LDLRAD4: variants seen among roughly 807,000 people sequenced by gnomAD.
LDLRAD4 encodes low-density lipoprotein receptor class A domain-containing protein 4.
A neutral mutation model predicts 17.0 loss-of-function variants in LDLRAD4; 5 were observed. That is an observed-to-expected ratio of 0.29 (90% CI 0.15 to 0.62). LDLRAD4 has a LOEUF of 0.62. Among genes scored for constraint, LDLRAD4 ranks in the 20% least tolerant of loss-of-function variants. LDLRAD4 has a pLI of 0.84. For synonymous variants in LDLRAD4, 168 were observed against 171.8 expected (o/e 0.98, Z 0.17); for missense variants, 340 against 424.7 (o/e 0.80, Z 1.75).
chr18:13,645,472 G>A lies in LDLRAD4; in HGVS notation c.736G>A (p.Gly246Arg), dbSNP rs1457339749. Residue 246 changes from glycine (G) to arginine (R), a missense_variant, in exon 6 of 6, where the codon GGG (glycine) becomes AGG (arginine). Transcript: ENST00000359446. This position sits in a 1 kb window ranked among gnomAD's most constrained non-coding sequence, Gnocchi z 5.7. The stretch of plus-strand genomic sequence containing the variant: ...CAGTGCAAGCACCTGCAGCAGTAAC[G>A]GGAGGATGGAGGGGCCACCCCCCAC... 11 of 1,611,984 alleles carry A rather than the reference G, an allele frequency of 6.8e-6. No homozygotes were observed. The highest frequency in any genetic ancestry group is 4.5e-5 in the East Asian group (2 of 44,872).
chr18:13,512,747 A>G (rs1485232593), intron 3 of LDLRAD4, among the ~76,000 whole-genome samples: 1 of 152,190 alleles, frequency 6.6e-6, no homozygotes, highest in Non-Finnish European at 1.5e-5. Context: ...TAACTTTAAA[A>G]TTTACACCCA....
At chr18:13,636,640 CG>C (rs2042107767) in intron 4 of LDLRAD4, among the ~76,000 whole-genome samples, 1 of 149,158 alleles carries the variant, frequency 6.7e-6, no homozygotes, top group Non-Finnish European at 1.5e-5. Context: ...GGATTGTAGG[CG>C]TGCACCACCG....
At chr18:13,352,351 C>A (rs2083091552) in intron 1 of LDLRAD4, among the ~76,000 whole-genome samples, 1 of 152,166 alleles carries the variant, frequency 6.6e-6, no homozygotes, top group African/African-American at 2.4e-5. Flanking sequence ...AGTTTTGGAA[C>A]ATACAGAATT....
intron 2 of LDLRAD4, among the ~76,000 whole-genome samples, chr18:13,434,514 C>G (rs764999050): frequency 1.3e-5 from 2 of 152,162 alleles, no homozygotes; most frequent in African/African-American, 4.8e-5. Flanking sequence ...CCCTCAACTT[C>G]TAGCTTGGCA....
intron 1 of LDLRAD4, among the ~76,000 whole-genome samples, chr18:13,303,100 C>T (rs2046698732): frequency 6.6e-6 from 1 of 152,234 alleles, no homozygotes; most frequent in African/African-American, 2.4e-5. Flanking sequence ...CAGCTGACCT[C>T]AGAGCTGCCC....
intron 3 of LDLRAD4, among the ~76,000 whole-genome samples, chr18:13,503,263 T>C (rs2093641316): frequency 6.6e-6 from 1 of 152,192 alleles, no homozygotes; most frequent in Admixed American, 6.5e-5. Flanking sequence ...ATGGCAGCAT[T>C]GAAAAGTGCA....
intron 3 of LDLRAD4, among the ~76,000 whole-genome samples, chr18:13,574,283 G>C (rs1406782019): frequency 6.6e-6 from 1 of 152,186 alleles, no homozygotes; most frequent in Admixed American, 6.5e-5. Flanking sequence ...GCAGAATGTG[G>C]CTGGGCTACA....
At chr18:13,312,536 G>A (rs933646177) in intron 1 of LDLRAD4, among the ~76,000 whole-genome samples, 2 of 152,170 alleles carry the variant, frequency 1.3e-5, no homozygotes, top group Non-Finnish European at 1.5e-5. Context: ...GAGGCCAGGA[G>A]TTTGAGATCA....
At chr18:13,370,161 C>T (rs2084352427) in intron 1 of LDLRAD4, among the ~76,000 whole-genome samples, 1 of 152,244 alleles carries the variant, frequency 6.6e-6, no homozygotes, top group South Asian at 2.1e-4. Flanking sequence ...GACTGTGAGT[C>T]ACAGTGCAAA....
intron 1 of LDLRAD4, among the ~76,000 whole-genome samples, chr18:13,358,181 C>G (rs2083454179): frequency 6.6e-6 from 1 of 152,080 alleles, no homozygotes; most frequent in Non-Finnish European, 1.5e-5. Flanking sequence ...AGAGCATGGT[C>G]TGTATACTAG....
intron 1 of LDLRAD4, among the ~76,000 whole-genome samples, chr18:13,272,243 C>T (rs1191946065): frequency 6.6e-6 from 1 of 152,122 alleles, no homozygotes; most frequent in Non-Finnish European, 1.5e-5. Context: ...GGCAGCTGCT[C>T]GGGGTCTGGG....
chr18:13,320,233 G>A (rs2081144496), intron 1 of LDLRAD4, among the ~76,000 whole-genome samples: 1 of 152,230 alleles, frequency 6.6e-6, no homozygotes, highest in Admixed American at 6.5e-5. Flanking sequence ...TCTTTTAGCT[G>A]CATCTCTGAC....
intron 1 of LDLRAD4, among the ~76,000 whole-genome samples, chr18:13,256,426 G>T (rs1400553400): frequency 6.6e-6 from 1 of 152,210 alleles, no homozygotes; most frequent in African/African-American, 2.4e-5. Flanking sequence ...CTCAGCCTTG[G>T]ACCCCATCCC....
At chr18:13,570,039 G>C (rs2094664521) in intron 3 of LDLRAD4, among the ~76,000 whole-genome samples, 1 of 152,228 alleles carries the variant, frequency 6.6e-6, no homozygotes, top group Admixed American at 6.5e-5. Context: ...TGTTTTGGGG[G>C]AAGGGGTTGT....
intron 1 of LDLRAD4, among the ~76,000 whole-genome samples, chr18:13,235,612 T>C (rs2145584125): frequency 6.6e-6 from 1 of 152,330 alleles, no homozygotes; most frequent in Middle Eastern, 3.4e-3. Context: ...TTCTAAATAG[T>C]GGTGAGGACT....
intron 2 of LDLRAD4, chr18:13,420,055 A>G (rs2089303185): frequency 6.6e-6 from 1 of 152,148 alleles, no homozygotes; most frequent in Non-Finnish European, 1.5e-5. Context: ...CACCTACAAT[A>G]CTGAGAACCT....
chr18:13,446,454 T>G (rs963677342), intron 3 of LDLRAD4, among the ~76,000 whole-genome samples: 3 of 152,222 alleles, frequency 2.0e-5, no homozygotes, highest in Non-Finnish European at 2.9e-5. Flanking sequence ...TGATACATAG[T>G]TGACGATTTT....
intron 1 of LDLRAD4, chr18:13,236,455 A>G (rs2042344254): frequency 6.6e-6 from 1 of 152,100 alleles, no homozygotes. Flanking sequence ...GATTACAGGC[A>G]TGCACCACCA....
chr18:13,518,867 A>G (rs2093910726), intron 3 of LDLRAD4, among the ~76,000 whole-genome samples: 1 of 152,098 alleles, frequency 6.6e-6, no homozygotes, highest in Admixed American at 6.5e-5. Context: ...CCATCCTTTC[A>G]AGACTAGTCA....
Sources: allele counts gnomAD v4.1 joint callset (sites outside exome capture counted in the v4.1 genomes callset), GRCh38; gene constraint gnomAD v4.1.1; non-coding constraint Gnocchi (gnomAD v3.1); transcripts MANE v1.5; gene names NCBI Gene and HGNC (gene_info 2026-07-23, HGNC 2026-07-21).